The following PM20D2 variants were observed in gnomAD, a reference collection of about 807,000 sequenced individuals.
PM20D2 encodes peptidase M20 domain containing 2.
A neutral mutation model predicts 42.9 loss-of-function variants in PM20D2; 33 were observed. The observed-to-expected ratio is 0.77, with a 90% CI of 0.58 to 1.03. The LOEUF (loss-of-function observed/expected upper bound fraction) is 1.03. Ranked by LOEUF, PM20D2 falls within the 50% of genes least tolerant of loss-of-function variation. PM20D2 has a pLI of 0.00. For synonymous variants in PM20D2, 250 were observed against 228.2 expected (o/e 1.10, Z -0.86); for missense variants, 548 against 557.0 (o/e 0.98, Z 0.16).
the PM20D2 span, chr6:89,105,060 A>G: frequency 6.7e-7 from 1 of 1,490,118 alleles, no homozygotes; most frequent in South Asian, 1.3e-5. Flanking sequence ...TATCAAAAAA[A>G]TATATATCTA....
At chr6:89,101,148 G>C in the PM20D2 span, among the ~76,000 whole-genome samples, 1 of 144,476 alleles carries the variant, frequency 6.9e-6, no homozygotes, top group African/African-American at 2.5e-5. Flanking sequence ...TTAACTAAAA[G>C]ATCATTAGAA....
chr6:89,107,399 T>C, the PM20D2 span: 2 of 645,434 alleles, frequency 3.1e-6, no homozygotes, highest in East Asian at 2.8e-5. Context: ...GTAAGAATCA[T>C]GCAAGGTTTT....
rs1770909902 is a variant in PM20D2, at chr6:89,153,097, A to AGGATTAAATGCATTAG, written c.670_685dup (p.Asp229GlyfsTer13). ...CTCATTCTGCTTCTTATCCCTGGGA[A>AGGATTAAATGCATTAG]GGATTAAATGCATTAGATGCTGCTG... On this transcript the variant is annotated frameshift_variant, in exon 3 of 7. Transcript: ENST00000275072. LOFTEE classifies it high-confidence loss of function. 1.2e-6 allele frequency: 2 copies of AGGATTAAATGCATTAG among 1,611,230 alleles called. No individual in the cohort carries two copies. Among genetic ancestry groups the AGGATTAAATGCATTAG allele is most frequent in the Non-Finnish European group, 1.7e-6 (2 of 1,177,920 alleles).
chr6:89,098,937 T>C, the PM20D2 span: 1 of 1,612,874 alleles, frequency 6.2e-7, no homozygotes, highest in Admixed American at 1.7e-5. Flanking sequence ...GAAAATCGCC[T>C]GTGTCGAGAC....
At chr6:89,156,085 C>T (rs921725892) in intron 4 of PM20D2, among the ~76,000 whole-genome samples, 4 of 152,040 alleles carry the variant, frequency 2.6e-5, no homozygotes, top group African/African-American at 9.7e-5. Flanking sequence ...GAGGTTTCAT[C>T]ATGTTGGCCA....
the PM20D2 span, among the ~76,000 whole-genome samples, chr6:89,099,538 G>GTTT: frequency 3.2e-5 from 4 of 126,236 alleles, 1 homozygote; most frequent in Non-Finnish European, 4.8e-5. Flanking sequence ...ACACATACAT[G>GTTT]TTTTTTTTTT....
chr6:89,160,069 T>TTTTTG (rs1455951568), intron 5 of PM20D2, among the ~76,000 whole-genome samples: 35 of 152,232 alleles, frequency 2.3e-4, no homozygotes, highest in African/African-American at 6.7e-4. Context: ...TGTCCATCCT[T>TTTTTG]TTTTGTTTTG....
chr6:89,152,830 GAA>G (rs1221873868), intron 2 of PM20D2, among the ~76,000 whole-genome samples: 1 of 151,444 alleles, frequency 6.6e-6, no homozygotes, highest in African/African-American at 2.4e-5. Flanking sequence ...TCTTTTTTGG[GAA>G]TGCTTTCTTT....
chr6:89,140,234 C>T, the PM20D2 span, among the ~76,000 whole-genome samples: 1 of 152,136 alleles, frequency 6.6e-6, no homozygotes, highest in South Asian at 2.1e-4. Context: ...AGGCATGAAG[C>T]ACCAGTCCTG....
intron 4 of PM20D2, among the ~76,000 whole-genome samples, chr6:89,156,806 G>A (rs1582348303): frequency 6.6e-6 from 1 of 152,296 alleles, no homozygotes; most frequent in East Asian, 1.9e-4. Flanking sequence ...AGCTCGTGTT[G>A]TGTTGTAGTT....
At chr6:89,112,832 T>C in the PM20D2 span, among the ~76,000 whole-genome samples, 1 of 152,228 alleles carries the variant, frequency 6.6e-6, no homozygotes, top group African/African-American at 2.4e-5. Flanking sequence ...CATAATCTTA[T>C]AACAAAGCTG....
At chr6:89,103,885 A>G in the PM20D2 span, among the ~76,000 whole-genome samples, 23 of 152,294 alleles carry the variant, frequency 1.5e-4, no homozygotes, top group East Asian at 4.4e-3. Flanking sequence ...TGTCTTCTTC[A>G]ATACTGCCAT....
chr6:89,095,971 GTTTGA>G, the PM20D2 span: 1 of 152,074 alleles, frequency 6.6e-6, no homozygotes, highest in East Asian at 1.9e-4. Flanking sequence ...AAATTAAAAC[GTTTGA>G]TTTATTAATA....
chr6:89,104,289 T>G, the PM20D2 span, among the ~76,000 whole-genome samples: 1 of 146,122 alleles, frequency 6.8e-6, no homozygotes, highest in African/African-American at 2.6e-5. Flanking sequence ...CAGGCTGGAG[T>G]GCAATGGCGT....
rs1771338310 is a variant in PM20D2, at chr6:89,164,338, T to C, written c.*2075T>C. 1 of 152,602 alleles carries C rather than the reference T, an allele frequency of 6.6e-6. No homozygotes were observed. The highest frequency in any genetic ancestry group is 1.5e-5 in the Non-Finnish European group (1 of 68,032). The allele number at this position is 152,602 out of a possible 1,614,324, so 9.5% of individuals were successfully genotyped here. A position where few individuals can be genotyped will look rare whatever the true frequency, so the allele number is the denominator to read the frequency against. On this transcript the variant is annotated 3_prime_UTR_variant, in exon 7 of 7. Transcript: ENST00000275072. ...GTGAACACTGGTTGAGGAGTGCCTA[T>C]TTCTAAGCACTGGGTGTAAGAAGAA...
the PM20D2 span, among the ~76,000 whole-genome samples, chr6:89,112,815 G>A: frequency 6.6e-6 from 1 of 152,002 alleles, no homozygotes; most frequent in Non-Finnish European, 1.5e-5. Context: ...ATATATCATG[G>A]TGGCCCCATA....
chr6:89,120,658 G>A, the PM20D2 span, among the ~76,000 whole-genome samples: 1 of 151,914 alleles, frequency 6.6e-6, no homozygotes, highest in Non-Finnish European at 1.5e-5. Context: ...CAAGCTAGAA[G>A]TTCGTGACCA....
chr6:89,134,068 T>TA, the PM20D2 span, among the ~76,000 whole-genome samples: 1 of 151,258 alleles, frequency 6.6e-6, no homozygotes, highest in Non-Finnish European at 1.5e-5. Context: ...CTGGGCCACT[T>TA]ACAGACACCA....
intron 1 of PM20D2, among the ~76,000 whole-genome samples, chr6:89,147,305 A>G (rs1330498076): frequency 1.3e-5 from 2 of 152,180 alleles, no homozygotes; most frequent in South Asian, 4.1e-4. Context: ...GCTTTTCCAG[A>G]TGGTATATTC....
Sources: gnomAD v4.1 joint callset for allele counts (sites outside exome capture counted in the v4.1 genomes callset) on GRCh38, gnomAD v4.1.1 for gene constraint, MANE v1.5 for transcripts, NCBI Gene and HGNC (gene_info 2026-07-23, HGNC 2026-07-21) for gene names.